Variants in ST6GAL1 observed in about 807,000 individuals in gnomAD.
ST6GAL1 encodes beta-galactoside alpha-2,6-sialyltransferase 1.
In ST6GAL1, 20 loss-of-function variants were observed where a neutral mutation model predicts 38.0. The observed-to-expected ratio is 0.53, with a 90% CI of 0.37 to 0.77. The LOEUF (loss-of-function observed/expected upper bound fraction) is 0.77, where lower values mean the gene tolerates loss of function less well. Among genes scored for constraint, ST6GAL1 ranks in the 30% least tolerant of loss-of-function variants. ST6GAL1 has a pLI of 0.00. For missense variants in ST6GAL1, 432 were observed against 496.4 expected, an observed-to-expected ratio of 0.87 and a Z score of 1.23; for synonymous variants, 196 against 188.2, an observed-to-expected ratio of 1.04 and a Z score of -0.34.
intron 2 of ST6GAL1, among the ~76,000 whole-genome samples, chr3:187,037,004 G>A (rs1251070288): frequency 6.6e-6 from 1 of 152,140 alleles, no homozygotes; most frequent in East Asian, 1.9e-4. Context: ...ACTATGTAAT[G>A]TAGAGAATCA....
intron 2 of ST6GAL1, among the ~76,000 whole-genome samples, chr3:186,969,051 C>CTTTTTTTTTTTTT (rs34520153): frequency 1.1e-5 from 1 of 89,252 alleles, no homozygotes; most frequent in Non-Finnish European, 2.3e-5. Flanking sequence ...TTCTCTTTTT[C>CTTTTTTTTTTTTT]TTTTTTTTTT....
At chr3:186,991,584 G>A (rs796992822) in intron 2 of ST6GAL1, among the ~76,000 whole-genome samples, 8 of 152,268 alleles carry the variant, frequency 5.3e-5, no homozygotes, top group African/African-American at 1.9e-4. Context: ...GACTGATACA[G>A]GCCATTTCAC....
At position 187,075,087 on chromosome 3, in the gene ST6GAL1, C is replaced by A. The variant is rs937549452; in HGVS notation, c.980-475C>A. On this transcript the variant is annotated intron_variant, in intron 7 of 7. Coordinates refer to ENST00000169298, the MANE Select transcript of ST6GAL1 (RefSeq NM_173216.2). The surrounding 1 kb of genome is among the most constrained non-coding windows in gnomAD (Gnocchi z 4.1). Reference sequence around the variant, plus strand: ...GGGAAGAAAAGTCTTCCCTCCCCAACACTGTTTCATGCAAATGCTATAAGG... The same window carrying A: ...GGGAAGAAAAGTCTTCCCTCCCCAAAACTGTTTCATGCAAATGCTATAAGG... 6.6e-6 allele frequency among the ~76,000 whole-genome samples: 1 copy of A among 152,116 alleles called. No homozygotes were observed. The highest frequency in any genetic ancestry group is 2.4e-5 in the African/African-American group (1 of 41,426).
chr3:186,977,030 C>G (rs1010754251), intron 2 of ST6GAL1, among the ~76,000 whole-genome samples: 1 of 152,172 alleles, frequency 6.6e-6, no homozygotes, highest in Non-Finnish European at 1.5e-5. Context: ...TTTATAAAGT[C>G]TCCTGTGCTA....
chr3:187,075,855 C>T lies in ST6GAL1; in HGVS notation c.*52C>T. 1 of 1,602,764 alleles carries T rather than the reference C, an allele frequency of 6.2e-7. No homozygotes were observed. On this transcript the variant is annotated 3_prime_UTR_variant, in exon 8 of 8. Transcript: ENST00000169298. This position sits in a 1 kb window ranked among gnomAD's most constrained non-coding sequence, Gnocchi z 4.1. ...AGGCATTAAATGAATGGTCTCTTGG[C>T]CACCCCAGCCTGGGAAGAACATTTT...
At chr3:186,999,106 C>T (rs1212955800) in intron 2 of ST6GAL1, among the ~76,000 whole-genome samples, 1 of 152,184 alleles carries the variant, frequency 6.6e-6, no homozygotes, top group African/African-American at 2.4e-5. Flanking sequence ...TAAACTTGCT[C>T]TTGTGGAGGC....
intron 3 of ST6GAL1, among the ~76,000 whole-genome samples, chr3:187,041,378 G>A (rs1718120113): frequency 1.3e-5 from 2 of 152,188 alleles, no homozygotes; most frequent in African/African-American, 4.8e-5. Flanking sequence ...AACCCCGGAG[G>A]TGATTGCTTT....
chr3:186,981,156 G>C (rs1321449224), intron 2 of ST6GAL1, among the ~76,000 whole-genome samples: 1 of 152,252 alleles, frequency 6.6e-6, no homozygotes, highest in Non-Finnish European at 1.5e-5. Context: ...AACCATGTGT[G>C]AATTGGACAG....
At chr3:186,999,558 TG>T (rs1716544257) in intron 2 of ST6GAL1, among the ~76,000 whole-genome samples, 1 of 151,540 alleles carries the variant, frequency 6.6e-6, no homozygotes, top group Non-Finnish European at 1.5e-5. Context: ...ACTACAGGAG[TG>T]CACCACTGCG....
intron 2 of ST6GAL1, among the ~76,000 whole-genome samples, chr3:187,025,960 T>C (rs779759198): frequency 3.3e-5 from 5 of 152,216 alleles, no homozygotes; most frequent in Non-Finnish European, 7.3e-5. Context: ...AAGAGACCCT[T>C]GGCAGGAGTG....
chr3:186,961,761 C>G (rs1211637673), intron 1 of ST6GAL1, among the ~76,000 whole-genome samples: 1 of 152,150 alleles, frequency 6.6e-6, no homozygotes, highest in African/African-American at 2.4e-5. Context: ...TTCTCCATCT[C>G]TCACTGAAAG....
intron 5 of ST6GAL1, among the ~76,000 whole-genome samples, chr3:187,066,213 C>T (rs911971770): frequency 6.6e-6 from 1 of 152,158 alleles, no homozygotes; most frequent in Non-Finnish European, 1.5e-5. Context: ...ATCATGATGG[C>T]AATCATGAGT....
intron 1 of ST6GAL1, among the ~76,000 whole-genome samples, chr3:186,943,192 A>G (rs1018218838): frequency 6.6e-6 from 1 of 152,240 alleles, no homozygotes; most frequent in African/African-American, 2.4e-5. Flanking sequence ...GGCAACACAC[A>G]AGCTGTGTCT....
intron 1 of ST6GAL1, among the ~76,000 whole-genome samples, chr3:186,951,328 A>G (rs571693936): frequency 1.3e-5 from 2 of 152,150 alleles, no homozygotes; most frequent in Non-Finnish European, 2.9e-5. Context: ...AAGTGCTGGG[A>G]TTACAGGCAT....
chr3:187,021,740 CAAA>C (rs58948806), intron 2 of ST6GAL1: 8,128 of 83,554 alleles, frequency 0.097, 204 homozygotes, highest in Middle Eastern at 0.2. Context: ...GACTCTGTCT[CAAA>C]AAAAAAAAAA....
At position 186,978,566 on chromosome 3, in the gene ST6GAL1, C is replaced by T. The variant is rs558998693; in HGVS notation, c.-183+14640C>T. On this transcript the variant is annotated intron_variant, in intron 2 of 7. Transcript: ENST00000169298. ...GACCAGGAGCCAGAAAAGATGGTCTCTGGCACCCTTTCCTTTATTCACGGA... is the reference window on the plus strand; with the variant it reads ...GACCAGGAGCCAGAAAAGATGGTCTTTGGCACCCTTTCCTTTATTCACGGA... Among the ~76,000 whole-genome samples, 8 of 152,354 alleles carry T rather than the reference C, an allele frequency of 5.3e-5. No homozygotes were observed. In the East Asian group the frequency reaches 1.2e-3, roughly 22 times the overall value.
At chr3:186,979,319 A>G (rs1337514696) in intron 2 of ST6GAL1, among the ~76,000 whole-genome samples, 1 of 152,172 alleles carries the variant, frequency 6.6e-6, no homozygotes, top group East Asian at 1.9e-4. Context: ...GCATTACTGC[A>G]AATGAGCCTA....
intron 2 of ST6GAL1, among the ~76,000 whole-genome samples, chr3:186,981,254 G>C (rs955240142): frequency 9.2e-5 from 14 of 152,220 alleles, no homozygotes; most frequent in Admixed American, 2.6e-4. Flanking sequence ...AGAAGGCTAA[G>C]AAAATATATT....
chr3:186,951,418 G>A (rs1302671474), intron 1 of ST6GAL1, among the ~76,000 whole-genome samples: 3 of 152,162 alleles, frequency 2.0e-5, no homozygotes, highest in Admixed American at 6.5e-5. Context: ...GCTTCATTTT[G>A]TTGGTCCATT....
Sources: allele counts gnomAD v4.1 joint callset (sites outside exome capture counted in the v4.1 genomes callset), GRCh38; gene constraint gnomAD v4.1.1; non-coding constraint Gnocchi (gnomAD v3.1); transcripts MANE v1.5; gene names NCBI Gene and HGNC (gene_info 2026-07-23, HGNC 2026-07-21).